RHOT1: variants seen among roughly 807,000 people sequenced by gnomAD.
RHOT1 encodes ras homolog family member T1.
A neutral mutation model predicts 95.3 loss-of-function variants in RHOT1; 27 were observed. The ratio of observed to expected loss-of-function variants is 0.28; its 90% CI spans 0.21 to 0.39. The LOEUF is 0.39. RHOT1 is among the 10% of genes least tolerant of loss of function. The probability of loss-of-function intolerance (pLI) is 1.00; values close to 1 mark genes in which losing one functional copy is unlikely to be tolerated. For synonymous variants in RHOT1, 227 were observed against 263.5 expected, an observed-to-expected ratio of 0.86 and a Z score of 1.34; for missense variants, 578 against 786.7, an observed-to-expected ratio of 0.73 and a Z score of 3.17.
chr17:32,154,299 G>A (rs924702425), intron 1 of RHOT1, among the ~76,000 whole-genome samples: 3 of 141,584 alleles, frequency 2.1e-5, no homozygotes, highest in African/African-American at 6.1e-5. Flanking sequence ...AAAAAAAAAA[G>A]GCCAGGCGCA....
At chr17:32,149,635 A>ATATGTGTGTGTG (rs1445281403) in intron 1 of RHOT1, among the ~76,000 whole-genome samples, 10 of 59,086 alleles carry the variant, frequency 1.7e-4, no homozygotes, top group Non-Finnish European at 2.1e-4. Context: ...ATATATATAT[A>ATATGTGTGTGTG]TGTGTGTGTG....
chr17:32,211,041 TAAG>T, intron 18 of RHOT1, 72 bp from the exon 19 acceptor site: 3 of 1,421,826 alleles, frequency 2.1e-6, no homozygotes, highest in Admixed American at 2.1e-5. Flanking sequence ...CTTTTTTTTT[TAAG>T]TTGGCACACC....
chr17:32,149,951 A>G (rs1181034130), intron 1 of RHOT1, among the ~76,000 whole-genome samples: 2 of 151,922 alleles, frequency 1.3e-5, no homozygotes, highest in African/African-American at 2.4e-5. Context: ...GGGTTTTGCC[A>G]TGTTGGCCAA....
intron 8 of RHOT1, among the ~76,000 whole-genome samples, chr17:32,185,513 C>T (rs2035977148): frequency 6.6e-6 from 1 of 152,054 alleles, no homozygotes; most frequent in Non-Finnish European, 1.5e-5. Context: ...CTTCAACGAT[C>T]CTCCCACCTC....
chr17:32,151,587 A>G, intron 1 of RHOT1: 1 of 326,668 alleles, frequency 3.1e-6, no homozygotes, highest in Admixed American at 4.5e-5. Context: ...AACTTTTTAA[A>G]AAAAGGAAAT....
At chr17:32,166,323 A>G (rs1448446021) in intron 1 of RHOT1, among the ~76,000 whole-genome samples, 1 of 152,190 alleles carries the variant, frequency 6.6e-6, no homozygotes, top group Non-Finnish European at 1.5e-5. Flanking sequence ...CTGAGCCTTC[A>G]GTGAGTTGTA....
chr17:32,171,525 ATTCT>A (rs1165107528), intron 2 of RHOT1, among the ~76,000 whole-genome samples: 1 of 152,184 alleles, frequency 6.6e-6, no homozygotes, highest in Non-Finnish European at 1.5e-5. Flanking sequence ...GGACCTTTGT[ATTCT>A]CTGTGTCTCA....
intron 11 of RHOT1, among the ~76,000 whole-genome samples, chr17:32,195,271 T>A (rs1170474697): frequency 6.6e-6 from 1 of 152,098 alleles, no homozygotes; most frequent in Non-Finnish European, 1.5e-5. Context: ...TTTTTTTCTT[T>A]CTTTCTTTGT....
chr17:32,176,424 T>C (rs1197932214), intron 6 of RHOT1, among the ~76,000 whole-genome samples: 2 of 152,166 alleles, frequency 1.3e-5, no homozygotes, highest in African/African-American at 4.8e-5. Flanking sequence ...GCAGTAGATA[T>C]ACTTGAGAGC....
chr17:32,171,226 T>C (rs1251222488), intron 2 of RHOT1, 125 bp downstream of exon 2: 11 of 631,678 alleles, frequency 1.7e-5, no homozygotes, highest in Admixed American at 1.6e-4. Context: ...GACTTTTTTT[T>C]CTCCCTTCTT....
intron 1 of RHOT1, among the ~76,000 whole-genome samples, chr17:32,154,540 C>T (rs113442199): frequency 0.039 from 5,493 of 141,938 alleles, 350 homozygotes; most frequent in African/African-American, 0.14. Context: ...TGAGCAGAGA[C>T]GGCGCCACTG....
In RHOT1 at chr17:32,208,118, G is replaced by A. The variant is rs1165888474; in HGVS notation, c.1548G>A (p.Met516Ile). 6.2e-7 allele frequency: 1 copy of A among 1,613,646 alleles called. No individual in the cohort carries two copies. Among genetic ancestry groups the A allele is most frequent in the Non-Finnish European group, 8.5e-7 (1 of 1,179,668 alleles). Reference protein sequence around the residue: ...YCARIFKQHFMDSRIPCLIVA... With the variant: ...YCARIFKQHFIDSRIPCLIVA... ...TTTTTATTCCATAGCAACACTTTATGGACAGCAGAATACCTTGCTTAATCG... is the reference window on the plus strand; with the variant it reads ...TTTTTATTCCATAGCAACACTTTATAGACAGCAGAATACCTTGCTTAATCG... Residue 516 changes from methionine (M) to isoleucine (I), a missense_variant, in exon 18 of 20, where the codon ATG becomes ATA. By Grantham distance (10) the Met-to-Ile change is conservative. Transcript: ENST00000545287.
rs114899192 is a variant in RHOT1 at position 32,200,980 on chromosome 17, G to A, written c.1125G>A (p.Gln375=). The A allele has an allele frequency of 1.8e-3, 2,888 of 1,611,920 alleles. 8 individuals are homozygous for A. The highest frequency in any genetic ancestry group is 2.3e-3 in the Non-Finnish European group (2,702 of 1,178,666). The change falls in exon 14 of 20, where the codon CAG becomes CAA. Residue 375 remains glutamine (Q), a synonymous_variant. Coordinates refer to ENST00000545287, the MANE Select transcript of RHOT1 (RefSeq NM_001033566.3). ...QWTLTTYLDV[Q]RCLEYLGYLG... is the part of the protein sequence containing the mutation. ...GGCTCACGACTTATTTAGATGTACAGCGGTGCCTGGAATATTTGGGCTATC... is the reference window on the plus strand; with the variant it reads ...GGCTCACGACTTATTTAGATGTACAACGGTGCCTGGAATATTTGGGCTATC...
At chr17:32,221,899 A>G (rs558645681) in intron 19 of RHOT1, among the ~76,000 whole-genome samples, 3 of 152,310 alleles carry the variant, frequency 2.0e-5, no homozygotes, top group African/African-American at 7.2e-5. Context: ...TCAGGAGTTC[A>G]AGACCAGCCT....
intron 4 of RHOT1, 107 bp downstream of exon 4, chr17:32,175,469 T>G (rs867324703): frequency 7.9e-5 from 92 of 1,162,736 alleles, no homozygotes; most frequent in African/African-American, 4.3e-4. Flanking sequence ...GTGTTTTTTT[T>G]GGGACCGTGT....
intron 3 of RHOT1, among the ~76,000 whole-genome samples, chr17:32,174,320 AAATTT>A (rs1162114594): frequency 1.1e-4 from 16 of 152,240 alleles, no homozygotes; most frequent in African/African-American, 3.1e-4. Context: ...GGTTAAATGA[AAATTT>A]AATTTTACCT....
chr17:32,146,037 C>T (rs1179457072), intron 1 of RHOT1, among the ~76,000 whole-genome samples: 1 of 152,120 alleles, frequency 6.6e-6, no homozygotes, highest in Non-Finnish European at 1.5e-5. Flanking sequence ...GTATATCATC[C>T]AGTGATTTCT....
At chr17:32,194,535 A>G (rs2036724046) in intron 11 of RHOT1, among the ~76,000 whole-genome samples, 1 of 152,200 alleles carries the variant, frequency 6.6e-6, no homozygotes, top group Admixed American at 6.5e-5. Flanking sequence ...AAATTGCCGA[A>G]TGTACCCTCT....
intron 11 of RHOT1, among the ~76,000 whole-genome samples, chr17:32,198,684 G>A (rs968844289): frequency 1.3e-5 from 2 of 152,114 alleles, no homozygotes; most frequent in African/African-American, 2.4e-5. Context: ...ACTGTAGCCC[G>A]GGCAGCAGAG....
Sources: gnomAD v4.1 joint callset for allele counts (sites outside exome capture counted in the v4.1 genomes callset) on GRCh38, gnomAD v4.1.1 for gene constraint, MANE v1.5 for transcripts, NCBI Gene and HGNC (gene_info 2026-07-23, HGNC 2026-07-21) for gene names.